The following LRRC28 variants were observed in gnomAD, a reference collection of about 807,000 sequenced individuals.
LRRC28 encodes leucine-rich repeat-containing protein 28.
A neutral mutation model predicts 45.7 loss-of-function variants in LRRC28; 39 were observed. The observed-to-expected ratio is 0.85, with a 90% CI of 0.66 to 1.12. LRRC28 has a LOEUF of 1.12. Ranked by LOEUF, LRRC28 falls within the 50% of genes most tolerant of loss-of-function variation. The pLI is 0.00. For missense variants in LRRC28, 435 were observed against 438.5 expected, an observed-to-expected ratio of 0.99 and a Z score of 0.07; for synonymous variants, 206 against 178.8, an observed-to-expected ratio of 1.15 and a Z score of -1.22.
At chr15:99,287,778 TC>T (rs2081997335) in intron 4 of LRRC28, 35 bp from the exon 5 acceptor site, 1 of 1,564,046 alleles carries the variant, frequency 6.4e-7, no homozygotes, top group South Asian at 1.2e-5. Flanking sequence ...AATACTTGAG[TC>T]AAATTCATTT....
At chr15:99,302,164 C>A (rs1296194246) in intron 5 of LRRC28, among the ~76,000 whole-genome samples, 3 of 149,604 alleles carry the variant, frequency 2.0e-5, no homozygotes, top group Admixed American at 6.7e-5. Flanking sequence ...GTAGCTGGGA[C>A]CACAGGTGCC....
chr15:99,275,086 CT>C (rs909772625), intron 2 of LRRC28, among the ~76,000 whole-genome samples: 6 of 151,972 alleles, frequency 3.9e-5, no homozygotes, highest in Admixed American at 1.3e-4. Flanking sequence ...TTTGAACCCC[CT>C]ATGTGTGTGT....
chr15:99,360,738 A>G (rs905630397), intron 7 of LRRC28, among the ~76,000 whole-genome samples: 2 of 152,224 alleles, frequency 1.3e-5, no homozygotes, highest in African/African-American at 4.8e-5. Flanking sequence ...AGTTTCGGTA[A>G]CACTGCAGCA....
intron 7 of LRRC28, among the ~76,000 whole-genome samples, chr15:99,358,173 T>C (rs1359316509): frequency 6.6e-6 from 1 of 152,080 alleles, no homozygotes; most frequent in Admixed American, 6.6e-5. Flanking sequence ...AAATTAGAAA[T>C]CAAAGTTAGG....
intron 5 of LRRC28, among the ~76,000 whole-genome samples, chr15:99,327,373 A>G (rs1014172291): frequency 5.3e-5 from 8 of 152,178 alleles, no homozygotes; most frequent in Non-Finnish European, 1.0e-4. Context: ...CAGGCTACTA[A>G]TTCAGTTTTT....
chr15:99,358,923 C>G (rs1957122431), intron 7 of LRRC28, among the ~76,000 whole-genome samples: 1 of 151,940 alleles, frequency 6.6e-6, no homozygotes, highest in African/African-American at 2.4e-5. Context: ...ACTACAAATA[C>G]AAACTAACCG....
chr15:99,382,904 A>G (rs1957872281), intron 9 of LRRC28, among the ~76,000 whole-genome samples: 1 of 151,900 alleles, frequency 6.6e-6, no homozygotes. Flanking sequence ...GAAGTCCCCA[A>G]TTCTATTTTT....
In LRRC28 at chr15:99,287,841, G is replaced by T; in HGVS notation, c.275G>T (p.Cys92Phe). Residue 92 changes from cysteine to phenylalanine, a missense_variant, in exon 5 of 10, where the codon TGT becomes TTT. By Grantham distance (205) the Cys-to-Phe change is radical. Coordinates refer to ENST00000301981, the MANE Select transcript of LRRC28 (RefSeq NM_144598.5). ...EAIGSLVKLQ[C>F]LDLSDNALEI... ...ATTGGGTCTCTTGTAAAACTCCAAT[G>T]TCTGGATCTTAGTGACAATGCCTTA... 1 of 1,613,302 alleles carries T rather than the reference G, an allele frequency of 6.2e-7. No individual in the cohort carries two copies.
At chr15:99,315,646 A>G (rs1955566614) in intron 5 of LRRC28, among the ~76,000 whole-genome samples, 1 of 152,160 alleles carries the variant, frequency 6.6e-6, no homozygotes, top group African/African-American at 2.4e-5. Flanking sequence ...AAATTAGCTA[A>G]TGCTATTTTA....
At chr15:99,310,830 G>T (rs946414403) in intron 5 of LRRC28, among the ~76,000 whole-genome samples, 2 of 152,176 alleles carry the variant, frequency 1.3e-5, no homozygotes, top group South Asian at 4.1e-4. Context: ...CAATACGGCT[G>T]TCCACTTTCT....
Position 99,386,128 on chromosome 15 carries a change from C to T in LRRC28, c.*26C>T. The T allele has an allele frequency of 6.3e-7, 1 of 1,596,776 alleles. No homozygotes were observed. Among genetic ancestry groups the T allele is most frequent in the Non-Finnish European group, 8.6e-7 (1 of 1,164,168 alleles). Reference sequence around the variant, plus strand: ...TAAACACTCAAGAACCTCAGGAGCGCTGCCAGCTTGACACTGGGGAATCCA... The same window carrying T: ...TAAACACTCAAGAACCTCAGGAGCGTTGCCAGCTTGACACTGGGGAATCCA... On this transcript the variant is annotated 3_prime_UTR_variant, in exon 10 of 10. Coordinates refer to ENST00000301981, the MANE Select transcript of LRRC28 (RefSeq NM_144598.5).
rs1278785053 is a variant in LRRC28, at chr15:99,390,422, CTT to C, written c.*4325_*4326del. 1.4e-5 allele frequency: 1 copy of C among 73,490 alleles called. No individual in the cohort carries two copies. The highest frequency in any genetic ancestry group is 2.4e-5 in the Non-Finnish European group (1 of 40,934). The allele number at this position is 73,490 out of a possible 1,614,324, so 4.6% of individuals were successfully genotyped here. The stretch of plus-strand genomic sequence containing the variant: ...AAGAGACTTTCAAGGGTTAGCCAGA[CTT>C]TTTTCCACTCAAGTGTGGATTATCT... On this transcript the variant is annotated 3_prime_UTR_variant, in exon 10 of 10. Coordinates refer to ENST00000301981, the MANE Select transcript of LRRC28 (RefSeq NM_144598.5).
At chr15:99,269,768 A>C (rs2081425394) in intron 2 of LRRC28, among the ~76,000 whole-genome samples, 1 of 152,318 alleles carries the variant, frequency 6.6e-6, no homozygotes, top group African/African-American at 2.4e-5. Context: ...GCCACATTTT[A>C]AGTGCTTCAT....
At chr15:99,262,758 C>T (rs978147801) in intron 2 of LRRC28, among the ~76,000 whole-genome samples, 2 of 151,738 alleles carry the variant, frequency 1.3e-5, no homozygotes, top group African/African-American at 4.8e-5. Flanking sequence ...AGCCTCCTGC[C>T]TCAGCTTCCT....
chr15:99,305,149 C>A (rs1955137178), intron 5 of LRRC28, among the ~76,000 whole-genome samples: 1 of 152,112 alleles, frequency 6.6e-6, no homozygotes. Flanking sequence ...CATATAAATA[C>A]GTATATATAA....
At chr15:99,263,256 C>T (rs1363124692) in intron 2 of LRRC28, among the ~76,000 whole-genome samples, 1 of 146,432 alleles carries the variant, frequency 6.8e-6, no homozygotes, top group African/African-American at 2.5e-5. Flanking sequence ...GAGGTTGAAG[C>T]TGCAGTGAGC....
intron 2 of LRRC28, chr15:99,258,031 G>A: frequency 8.7e-6 from 10 of 1,143,524 alleles, no homozygotes; most frequent in South Asian, 3.7e-5. Context: ...TCAAAATTAA[G>A]TGTGATAAGG....
intron 5 of LRRC28, among the ~76,000 whole-genome samples, chr15:99,289,819 G>A (rs544856794): frequency 1.0e-3 from 155 of 150,270 alleles, no homozygotes; most frequent in Admixed American, 3.9e-3. Flanking sequence ...TGTAGTCCCA[G>A]CTACTCGGGA....
At chr15:99,332,234 G>A (rs1055342448) in intron 5 of LRRC28, among the ~76,000 whole-genome samples, 1 of 152,134 alleles carries the variant, frequency 6.6e-6, no homozygotes, top group African/African-American at 2.4e-5. Context: ...TACTATGCCA[G>A]TGGAGCCAAG....
Sources: allele counts gnomAD v4.1 joint callset (sites outside exome capture counted in the v4.1 genomes callset), GRCh38; gene constraint gnomAD v4.1.1; transcripts MANE v1.5; gene names NCBI Gene and HGNC (gene_info 2026-07-23, HGNC 2026-07-21).